The following VWF variants were observed in gnomAD, a reference collection of about 807,000 sequenced individuals.
VWF encodes the protein Factor VIII related antigen.
A neutral mutation model predicts 308.6 loss-of-function variants in VWF; 176 were observed. The observed-to-expected ratio is 0.57, with a 90% CI of 0.50 to 0.65. VWF has a LOEUF of 0.65. Among genes scored for constraint, VWF ranks in the 30% least tolerant of loss-of-function variants. VWF has a pLI of 0.00. For synonymous variants in VWF, 1,385 were observed against 1,443.4 expected, an observed-to-expected ratio of 0.96 and a Z score of 0.92; for missense variants, 3,146 against 3,648.2, an observed-to-expected ratio of 0.86 and a Z score of 3.55.
intron 3 of VWF, 66 bp from the exon 4 acceptor site, chr12:6,111,034 G>A (rs1945303086): frequency 1.4e-6 from 2 of 1,418,162 alleles, no homozygotes; most frequent in Admixed American, 3.4e-5. Flanking sequence ...CATTGATTAA[G>A]AATCATTATC....
At chr12:6,059,607 A>G (rs1278517356) in intron 13 of VWF, among the ~76,000 whole-genome samples, 6 of 152,096 alleles carry the variant, frequency 3.9e-5, no homozygotes, top group Non-Finnish European at 8.8e-5. Context: ...GTGTCCTCAC[A>G]TGGTGGAAGG....
At chr12:6,097,472 A>G (rs769073314) in intron 5 of VWF, among the ~76,000 whole-genome samples, 1 of 152,050 alleles carries the variant, frequency 6.6e-6, no homozygotes, top group African/African-American at 2.4e-5. Context: ...CAAAACAAAA[A>G]AAGACATGGG....
intron 15 of VWF, among the ~76,000 whole-genome samples, chr12:6,056,251 A>G (rs901313126): frequency 6.6e-6 from 1 of 150,844 alleles, no homozygotes; most frequent in African/African-American, 2.4e-5. Flanking sequence ...GCATGCAGCA[A>G]ATGTCCCCAG....
intron 9 of VWF, 27 bp from the exon 10 acceptor site, chr12:6,071,370 T>C (rs1944779448): frequency 6.2e-7 from 1 of 1,613,940 alleles, no homozygotes; most frequent in East Asian, 2.2e-5. Context: ...GCACAGGTCA[T>C]TGGTGGTTCT....
chr12:6,081,919 C>T (rs969226255), intron 6 of VWF, among the ~76,000 whole-genome samples: 2 of 152,044 alleles, frequency 1.3e-5, no homozygotes, highest in Admixed American at 6.6e-5. Context: ...TCATTTTTCC[C>T]CTAAATTATT....
In VWF at chr12:6,057,005, G is replaced by A. The variant is rs1205779987; in HGVS notation, c.1797C>T (p.Val599=). Residue 599 remains valine (V), a synonymous_variant, in exon 15 of 52, where the codon GTC becomes GTT. Transcript: ENST00000261405. ...AGTTCCGCAGGTAGGGCAGCGGGCTGACGGCACGATGGCAGGCCTCGAATG... is the reference window on the plus strand; with the variant it reads ...AGTTCCGCAGGTAGGGCAGCGGGCTAACGGCACGATGGCAGGCCTCGAATG... ...SPTFEACHRA[V]SPLPYLRNCR... is the part of the protein sequence containing the mutation. 1.3e-6 allele frequency: 2 copies of A among 1,548,990 alleles called. No individual in the cohort carries two copies. Among genetic ancestry groups the A allele is most frequent in the Non-Finnish European group, 1.7e-6 (2 of 1,152,276 alleles).
intron 38 of VWF, among the ~76,000 whole-genome samples, chr12:5,988,710 G>A (rs1445765755): frequency 6.6e-6 from 1 of 152,200 alleles, no homozygotes; most frequent in Non-Finnish European, 1.5e-5. Flanking sequence ...AGCAACCGTA[G>A]TGGCTCTCCA....
chr12:6,062,895 C>T (rs2136460523), intron 13 of VWF, 59 bp downstream of exon 13: 1 of 1,414,484 alleles, frequency 7.1e-7, no homozygotes, highest in Middle Eastern at 1.7e-4. Flanking sequence ...ACCCAGAGCA[C>T]AAGGGGTACT....
At position 6,072,390 on chromosome 12, in the gene VWF, G is replaced by A. The variant is rs141009309; in HGVS notation, c.1050C>T (p.Cys350=). The part of the protein sequence containing the change: ...GLCVESTECP[C]VHSGKRYPPG... ...GAGGGTAGCGCTTTCCGGAATGCAC[G>A]CAGGGACACTCGGTGCTCTCCACGC... Residue 350 remains cysteine, a synonymous_variant, in exon 9 of 52, where the codon TGC becomes TGT. Coordinates refer to ENST00000261405, the MANE Select transcript of VWF (RefSeq NM_000552.5). The A allele has an allele frequency of 4.8e-5, 78 of 1,613,994 alleles. No individual in the cohort carries two copies. In the African/African-American group the frequency reaches 8.4e-4, roughly 17 times the overall value.
chr12:6,107,665 T>C, intron 5 of VWF, among the ~76,000 whole-genome samples: 1 of 151,666 alleles, frequency 6.6e-6, no homozygotes, highest in East Asian at 1.9e-4. Flanking sequence ...TATATATATA[T>C]ATATATTTTT....
intron 5 of VWF, among the ~76,000 whole-genome samples, chr12:6,108,294 TAAAA>T (rs755454409): frequency 7.0e-5 from 8 of 114,550 alleles, no homozygotes; most frequent in South Asian, 2.8e-4. Context: ...ACTCTGTCTT[TAAAA>T]AAAAAAAAAA....
chr12:6,027,920 A>G (rs534985703), intron 22 of VWF, among the ~76,000 whole-genome samples: 1 of 152,246 alleles, frequency 6.6e-6, no homozygotes, highest in African/African-American at 2.4e-5. Flanking sequence ...TGCTGTATCC[A>G]CAGCGCCTAG....
chr12:6,075,934 A>G lies in VWF; in HGVS notation c.658-383T>C, dbSNP rs1045508541. Among the ~76,000 whole-genome samples, 3 of 152,104 alleles carry G rather than the reference A, an allele frequency of 2.0e-5. No individual in the cohort carries two copies. In the East Asian group the frequency reaches 5.8e-4, roughly 29 times the overall value. On this transcript the variant is annotated intron_variant, in intron 6 of 51. Coordinates refer to ENST00000261405, the MANE Select transcript of VWF (RefSeq NM_000552.5). The surrounding 1 kb of genome is among the most constrained non-coding windows in gnomAD (Gnocchi z 4.7). ...TGCTGTCAGCATCGGTTCTGCACTGACCTGTTCAGCTCCCCTCCCTGACCT... is the reference window on the plus strand; with the variant it reads ...TGCTGTCAGCATCGGTTCTGCACTGGCCTGTTCAGCTCCCCTCCCTGACCT...
intron 6 of VWF, among the ~76,000 whole-genome samples, chr12:6,083,559 C>T (rs921948840): frequency 2.0e-5 from 3 of 152,064 alleles, no homozygotes; most frequent in Non-Finnish European, 2.9e-5. Context: ...AGCGAGACTC[C>T]GTCGCAAAAA....
At chr12:6,050,015 G>A (rs1485920707) in intron 16 of VWF, among the ~76,000 whole-genome samples, 1 of 152,144 alleles carries the variant, frequency 6.6e-6, no homozygotes, top group Non-Finnish European at 1.5e-5. Flanking sequence ...GGCTGAAACT[G>A]TCACCTCCAT....
rs76111817 is a variant in VWF at position 6,074,116 on chromosome 12, C to A, written c.875-375G>T. Among the ~76,000 whole-genome samples, 660 of 152,208 alleles carry A rather than the reference C, an allele frequency of 4.3e-3. 4 individuals carry two copies. Among genetic ancestry groups the A allele is most frequent in the African/African-American group, 0.015 (619 of 41,526 alleles). ...TGGAGTCCTACGACAAAGCAAGGAGCCATGGTGCCCTCCATCCCATCCCTC... is the reference window on the plus strand; with the variant it reads ...TGGAGTCCTACGACAAAGCAAGGAGACATGGTGCCCTCCATCCCATCCCTC... On this transcript the variant is annotated intron_variant, in intron 7 of 51. Coordinates refer to ENST00000261405, the MANE Select transcript of VWF (RefSeq NM_000552.5).
chr12:6,001,072 G>C (rs2136393260), intron 34 of VWF, among the ~76,000 whole-genome samples: 1 of 152,176 alleles, frequency 6.6e-6, no homozygotes, highest in Admixed American at 6.5e-5. Context: ...GATAGCCACA[G>C]GTAGAAGTTA....
At chr12:5,993,344 T>C (rs1943765698) in intron 37 of VWF, among the ~76,000 whole-genome samples, 1 of 152,168 alleles carries the variant, frequency 6.6e-6, no homozygotes, top group African/African-American at 2.4e-5. Flanking sequence ...CTGTCTGCAC[T>C]AGCAATCCTG....
rs61748478 is a variant in VWF, at chr12:6,044,349, T to C, written c.2384A>G (p.Tyr795Cys). The C allele has an allele frequency of 1.2e-6, 2 of 1,614,194 alleles. No individual in the cohort carries two copies. The highest frequency in any genetic ancestry group is 1.7e-6 in the Non-Finnish European group (2 of 1,180,036). The change falls in exon 18 of 52, where the codon TAT becomes TGT. Residue 795 changes from tyrosine (Y) to cysteine (C), a missense_variant. Around this residue, in one of 3 missense-constraint regions of VWF, gnomAD observed 1,304 missense variants for 1,353.0 expected, o/e 0.96. Coordinates refer to ENST00000261405, the MANE Select transcript of VWF (RefSeq NM_000552.5). ...GLECTKTCQNYDLECMSMGCV... is the reference protein window; with the variant it reads ...GLECTKTCQNCDLECMSMGCV... The stretch of plus-strand genomic sequence containing the variant: ...GCCCATGCTCATGCACTCCAGGTCA[T>C]AGTTCTGGCACGTTTTGGTACACTC...
Sources: gnomAD v4.1 joint callset for allele counts (sites outside exome capture counted in the v4.1 genomes callset) on GRCh38, gnomAD v4.1.1 for gene constraint, gnomAD v4.1.1 regional missense constraint, Gnocchi (gnomAD v3.1) non-coding constraint, MANE v1.5 for transcripts, NCBI Gene and HGNC (gene_info 2026-07-23, HGNC 2026-07-21) for gene names.